The following PTPRZ1 variants were observed in gnomAD, a reference collection of about 807,000 sequenced individuals.
PTPRZ1 encodes protein tyrosine phosphatase receptor type Z1.
A neutral mutation model predicts 214.1 loss-of-function variants in PTPRZ1; 82 were observed. That is an observed-to-expected ratio of 0.38 (90% CI 0.32 to 0.46). The LOEUF is 0.46. Ranked by LOEUF, PTPRZ1 falls within the 20% of genes least tolerant of loss-of-function variation. The probability of loss-of-function intolerance (pLI) is 1.00; values close to 1 mark genes in which losing one functional copy is unlikely to be tolerated. For missense variants in PTPRZ1, 2,603 were observed against 2,748.7 expected, an observed-to-expected ratio of 0.95 and a Z score of 1.19; for synonymous variants, 945 against 987.9, an observed-to-expected ratio of 0.96 and a Z score of 0.81.
chr7:122,013,695 G>T lies in PTPRZ1; in HGVS notation c.4649G>T (p.Gly1550Val). Residue 1550 changes from glycine (G) to valine (V), a missense_variant, in exon 12 of 30, where the codon GGA becomes GTA. Coordinates refer to ENST00000393386, the MANE Select transcript of PTPRZ1 (RefSeq NM_002851.3). ...WAVLTSDEES[G>V]SGQGTSDSLN... is the part of the protein sequence containing the mutation. Reference sequence around the variant, plus strand: ...GTTCTGACAAGTGATGAAGAAAGTGGATCAGGGCAAGGTACCTCAGATAGC... The same window carrying T: ...GTTCTGACAAGTGATGAAGAAAGTGTATCAGGGCAAGGTACCTCAGATAGC... The T allele has an allele frequency of 6.2e-7, 1 of 1,614,200 alleles. No homozygotes were observed. Among genetic ancestry groups the T allele is most frequent in the Non-Finnish European group, 8.5e-7 (1 of 1,180,042 alleles).
At chr7:121,958,120 T>C (rs1210106743) in intron 2 of PTPRZ1, among the ~76,000 whole-genome samples, 1 of 152,210 alleles carries the variant, frequency 6.6e-6, no homozygotes, top group Non-Finnish European at 1.5e-5. Flanking sequence ...CATCCTTCTT[T>C]CGTTCACAGC....
intron 14 of PTPRZ1, 43 bp from the exon 15 acceptor site, chr7:122,031,431 C>A (rs762372139): frequency 7.2e-7 from 1 of 1,397,134 alleles, no homozygotes; most frequent in Admixed American, 1.7e-5. Context: ...ACGTTTATTT[C>A]TGTTAAATTA....
At chr7:121,938,710 T>C (rs927554354) in intron 2 of PTPRZ1, among the ~76,000 whole-genome samples, 1 of 152,108 alleles carries the variant, frequency 6.6e-6, no homozygotes, top group East Asian at 1.9e-4. Flanking sequence ...TACAACGATC[T>C]CTTTTCTAAA....
chr7:121,921,394 A>G (rs565912926), intron 1 of PTPRZ1, among the ~76,000 whole-genome samples: 2 of 152,278 alleles, frequency 1.3e-5, no homozygotes, highest in Admixed American at 6.5e-5. Flanking sequence ...AGACATATGC[A>G]TTTAATTGGA....
At chr7:121,992,438 A>T (rs1028769309) in intron 8 of PTPRZ1, among the ~76,000 whole-genome samples, 1 of 152,200 alleles carries the variant, frequency 6.6e-6, no homozygotes, top group Non-Finnish European at 1.5e-5. Context: ...CACAGATCAC[A>T]TCCATTCCTA....
At position 122,055,014 on chromosome 7, in the gene PTPRZ1, T is replaced by G; in HGVS notation, c.6455T>G (p.Met2152Arg). 6.2e-7 allele frequency: 1 copy of G among 1,606,080 alleles called. No homozygotes were observed. Among genetic ancestry groups the G allele is most frequent in the Non-Finnish European group, 8.5e-7 (1 of 1,173,708 alleles). Residue 2152 changes from methionine to arginine, a missense_variant, in exon 27 of 30, where the codon ATG becomes AGG. Coordinates refer to ENST00000393386, the MANE Select transcript of PTPRZ1 (RefSeq NM_002851.3). ...TGTGAGAGCTTTAAGGTCACTCTTA[T>G]GGCTGAAGAACACAAATGTCTATCT... ...INCESFKVTL[M>R]AEEHKCLSNE...
chr7:121,894,983 T>C (rs1474629480), intron 1 of PTPRZ1, among the ~76,000 whole-genome samples: 1 of 152,204 alleles, frequency 6.6e-6, no homozygotes, highest in Non-Finnish European at 1.5e-5. Flanking sequence ...AGTATCACCT[T>C]AATTTTAAAA....
At chr7:121,992,243 T>C (rs1477513224) in intron 8 of PTPRZ1, among the ~76,000 whole-genome samples, 4 of 152,232 alleles carry the variant, frequency 2.6e-5, no homozygotes, top group Admixed American at 1.3e-4. Flanking sequence ...ATTGTGCTTC[T>C]TCCAAGGCAG....
intron 1 of PTPRZ1, among the ~76,000 whole-genome samples, chr7:121,906,732 G>T (rs80301835): frequency 6.6e-6 from 1 of 152,260 alleles, no homozygotes; most frequent in East Asian, 1.9e-4. Flanking sequence ...AGATGTTAAA[G>T]ACATTCACTG....
chr7:122,048,715 C>T (rs1416229024), intron 23 of PTPRZ1, among the ~76,000 whole-genome samples: 1 of 151,880 alleles, frequency 6.6e-6, no homozygotes, highest in East Asian at 1.9e-4. Flanking sequence ...TTAACTAGGC[C>T]AATAGCCATT....
rs577067386 is a variant in PTPRZ1, at chr7:122,012,686, G to A, written c.3640G>A (p.Val1214Ile). 1 of 1,611,530 alleles carries A rather than the reference G, an allele frequency of 6.2e-7. No individual in the cohort carries two copies. Among genetic ancestry groups the A allele is most frequent in the East Asian group, 2.2e-5 (1 of 44,876 alleles). ...SDPILVETPK[V>I]DKISSTMLHL... ...TCCAATATTGGTTGAAACCCCCAAA[G>A]TTGATAAAATTAGTTCTACAATGTT... Residue 1214 changes from valine (V) to isoleucine (I), a missense_variant, in exon 12 of 30, where the codon GTT becomes ATT. Val to Ile is a conservative substitution (Grantham distance 29, BLOSUM62 3). Coordinates refer to ENST00000393386, the MANE Select transcript of PTPRZ1 (RefSeq NM_002851.3).
intron 22 of PTPRZ1, among the ~76,000 whole-genome samples, chr7:122,043,919 A>G (rs924062129): frequency 1.3e-5 from 2 of 152,236 alleles, no homozygotes; most frequent in Non-Finnish European, 2.9e-5. Flanking sequence ...CTTAAAATAA[A>G]CATTAAAAAA....
In PTPRZ1 at chr7:122,013,247, G is replaced by A. The variant is rs1798735776; in HGVS notation, c.4201G>A (p.Glu1401Lys). Reference protein sequence around the residue: ...KLLFPSKATSELSHSAKSDAG... With the variant: ...KLLFPSKATSKLSHSAKSDAG... ...GCTGTTTCCTTCTAAGGCAACTTCT[G>A]AGCTGAGTCATAGTGCCAAATCTGA... The change falls in exon 12 of 30, where the codon GAG becomes AAG. Residue 1401 changes from glutamate to lysine, a missense_variant. By Grantham distance (56) the Glu-to-Lys change is moderately conservative (BLOSUM62 1). This residue lies in a region of PTPRZ1 where 1,913 missense variants were observed against 1,914.3 expected (regional missense o/e 1.00). Transcript: ENST00000393386. 6.2e-7 allele frequency: 1 copy of A among 1,614,042 alleles called. No homozygotes were observed. The highest frequency in any genetic ancestry group is 1.3e-5 in the African/African-American group (1 of 74,932).
In PTPRZ1 at chr7:122,010,373, G is replaced by A; in HGVS notation, c.1327G>A (p.Val443Met). ...AAAAGACATTGAAGAAGGCGCTATT[G>A]TGAATCCTGGTAGAGACAGTGCTAC... is the stretch of plus-strand genomic sequence containing the variant. ...EGKDIEEGAI[V>M]NPGRDSATNQ... The change falls in exon 12 of 30, where the codon GTG becomes ATG. Residue 443 changes from valine (V) to methionine (M), a missense_variant. Around this residue, in one of 6 missense-constraint regions of PTPRZ1, gnomAD observed 1,913 missense variants for 1,914.3 expected, o/e 1.00. Coordinates refer to ENST00000393386, the MANE Select transcript of PTPRZ1 (RefSeq NM_002851.3). 6.2e-7 allele frequency: 1 copy of A among 1,612,926 alleles called. No individual in the cohort carries two copies. Among genetic ancestry groups the A allele is most frequent in the East Asian group, 2.2e-5 (1 of 44,878 alleles).
intron 1 of PTPRZ1, among the ~76,000 whole-genome samples, chr7:121,927,309 G>A (rs749885685): frequency 6.6e-6 from 1 of 152,234 alleles, no homozygotes; most frequent in Non-Finnish European, 1.5e-5. Context: ...TAGCTGAAAT[G>A]AAGTATTAAT....
chr7:121,884,555 A>T (rs1794342031), intron 1 of PTPRZ1, among the ~76,000 whole-genome samples: 1 of 152,224 alleles, frequency 6.6e-6, no homozygotes, highest in Non-Finnish European at 1.5e-5. Flanking sequence ...GACAGAAAGA[A>T]TGCCGCTTCT....
intron 2 of PTPRZ1, among the ~76,000 whole-genome samples, chr7:121,956,612 G>A (rs1318631800): frequency 1.3e-5 from 2 of 152,248 alleles, no homozygotes; most frequent in East Asian, 3.8e-4. Context: ...CATCTCAGTG[G>A]CACCACTGGA....
intron 23 of PTPRZ1, among the ~76,000 whole-genome samples, chr7:122,051,184 C>T (rs959771093): frequency 1.3e-5 from 2 of 152,092 alleles, no homozygotes; most frequent in Non-Finnish European, 2.9e-5. Context: ...TATCTCAATG[C>T]TAAAAGAATT....
At position 122,042,711 on chromosome 7, in the gene PTPRZ1, C is replaced by T. The variant is rs769482050; in HGVS notation, c.5905C>T (p.Arg1969Cys). Residue 1969 changes from arginine to cysteine, a missense_variant, in exon 22 of 30, where the codon CGT (arginine) becomes TGT (cysteine). Arg to Cys is a radical substitution (Grantham distance 180, BLOSUM62 -3). Around this residue, in one of 6 missense-constraint regions of PTPRZ1, gnomAD observed 1,913 missense variants for 1,914.3 expected, o/e 1.00. Coordinates refer to ENST00000393386, the MANE Select transcript of PTPRZ1 (RefSeq NM_002851.3). ...CATATTTGGCTTCTTAAAACACATC[C>T]GTTCACAAAGAAATTATTTGGTACA... is the stretch of plus-strand genomic sequence containing the variant. The part of the protein sequence containing the change: ...VNIFGFLKHI[R>C]SQRNYLVQTE... 15 of 1,612,440 alleles carry T rather than the reference C, an allele frequency of 9.3e-6. No homozygotes were observed. Among genetic ancestry groups the T allele is most frequent in the South Asian group, 7.7e-5 (7 of 91,006 alleles).
Sources: gnomAD v4.1 joint callset for allele counts (sites outside exome capture counted in the v4.1 genomes callset) on GRCh38, gnomAD v4.1.1 for gene constraint, gnomAD v4.1.1 regional missense constraint, MANE v1.5 for transcripts, NCBI Gene and HGNC (gene_info 2026-07-23, HGNC 2026-07-21) for gene names.